The following KIF1B variants were observed in gnomAD, a reference collection of about 807,000 sequenced individuals.
KIF1B encodes kinesin-like protein KIF1B.
KIF1B carries 76 observed loss-of-function variants against 241.9 expected under a neutral mutation model. The observed-to-expected ratio is 0.31, with a 90% confidence interval of 0.26 to 0.38. The LOEUF (loss-of-function observed/expected upper bound fraction) is 0.38, where lower values mean the gene tolerates loss of function less well. Ranked by LOEUF, KIF1B falls within the 10% of genes least tolerant of loss-of-function variation. KIF1B has a pLI of 1.00. For synonymous variants in KIF1B, 750 were observed against 796.7 expected (o/e 0.94, Z 0.99); for missense variants, 1,622 against 2,271.4 (o/e 0.71, Z 5.81).
At chr1:10,242,573 A>AT (rs556778233) in intron 2 of KIF1B, among the ~76,000 whole-genome samples, 28 of 152,034 alleles carry the variant, frequency 1.8e-4, no homozygotes, top group Non-Finnish European at 3.7e-4. Context: ...CTGGAGTGCA[A>AT]TGGTGCAATC....
intron 2 of KIF1B, among the ~76,000 whole-genome samples, chr1:10,233,391 G>A (rs915703645): frequency 3.3e-5 from 5 of 152,068 alleles, no homozygotes; most frequent in African/African-American, 1.2e-4. Context: ...TAGGGCAGGA[G>A]GATTACTTGA....
chr1:10,286,126 G>A (rs1474400250), intron 15 of KIF1B, among the ~76,000 whole-genome samples: 6 of 151,620 alleles, frequency 4.0e-5, no homozygotes, highest in Non-Finnish European at 4.4e-5. Flanking sequence ...TGCAACCTCC[G>A]CCTCCCAGGT....
In KIF1B at chr1:10,258,506, G is replaced by A; in HGVS notation, c.197G>A (p.Cys66Tyr). Residue 66 changes from cysteine (C) to tyrosine (Y), a missense_variant, in exon 4 of 49, where the codon TGT becomes TAT. Physicochemically the swap from Cys to Tyr is radical, Grantham distance 194. This residue lies in a region of KIF1B where 156 missense variants were observed against 244.8 expected (regional missense o/e 0.64). Coordinates refer to ENST00000676179, the MANE Select transcript of KIF1B (RefSeq NM_001365951.3). ...YWSHTSPEDPCFASQNRVYND... is the reference protein window; with the variant it reads ...YWSHTSPEDPYFASQNRVYND... ...TACTCTTTACAGCCCGAAGATCCCTGTTTTGCATCTCAAAACCGTGTGTAC... is the reference window on the plus strand; with the variant it reads ...TACTCTTTACAGCCCGAAGATCCCTATTTTGCATCTCAAAACCGTGTGTAC... 6.2e-7 allele frequency: 1 copy of A among 1,614,044 alleles called. No homozygotes were observed. The highest frequency in any genetic ancestry group is 8.5e-7 in the Non-Finnish European group (1 of 1,179,968).
At chr1:10,333,979 CA>C (rs1652061798) in intron 27 of KIF1B, among the ~76,000 whole-genome samples, 2 of 151,454 alleles carry the variant, frequency 1.3e-5, no homozygotes, top group African/African-American at 4.9e-5. Context: ...GGTGAAACCC[CA>C]TCTCTATTAA....
At chr1:10,273,157 C>G (rs1406042233) in intron 10 of KIF1B, 126 bp downstream of exon 10, 1 of 672,918 alleles carries the variant, frequency 1.5e-6, no homozygotes, top group Non-Finnish European at 2.5e-6. Context: ...TTCTCTGGCT[C>G]TGGAATTTAG....
intron 23 of KIF1B, 61 bp from the exon 24 acceptor site, chr1:10,321,648 G>T: frequency 6.6e-7 from 1 of 1,526,458 alleles, no homozygotes; most frequent in Non-Finnish European, 9.1e-7. Flanking sequence ...AGCTAGAAGA[G>T]AGGTGTAATT....
intron 38 of KIF1B, among the ~76,000 whole-genome samples, chr1:10,356,673 G>A (rs960840652): frequency 6.6e-5 from 10 of 152,062 alleles, no homozygotes; most frequent in East Asian, 3.9e-4. Context: ...AGACCGAGGC[G>A]GGCGGATCAT....
intron 2 of KIF1B, among the ~76,000 whole-genome samples, chr1:10,244,788 A>AT (rs1437750598): frequency 6.8e-6 from 1 of 146,596 alleles, no homozygotes; most frequent in Non-Finnish European, 1.5e-5. Context: ...AATTTTTTGT[A>AT]TTTTTAGTAG....
At chr1:10,345,019 C>T (rs898310330) in intron 34 of KIF1B, 4 of 152,164 alleles carry the variant, frequency 2.6e-5, no homozygotes, top group African/African-American at 9.7e-5. Flanking sequence ...ATGGCGAAAC[C>T]CTGTCTCTAC....
intron 22 of KIF1B, among the ~76,000 whole-genome samples, chr1:10,302,957 T>C (rs1374741563): frequency 1.3e-5 from 2 of 152,006 alleles, no homozygotes; most frequent in East Asian, 1.9e-4. Context: ...TTTATATTGA[T>C]AGAAATGTAC....
intron 1 of KIF1B, among the ~76,000 whole-genome samples, chr1:10,227,032 CTTTTTTTTT>C (rs747870005): frequency 1.1e-4 from 12 of 112,942 alleles, no homozygotes; most frequent in Admixed American, 4.1e-4. Context: ...GCAAGTCTCT[CTTTTTTTTT>C]TTTTTTTTTT....
Position 10,282,463 on chromosome 1 carries a change from C to T in KIF1B, c.1364C>T (p.Thr455Met), listed in dbSNP as rs201474903. The change falls in exon 15 of 49, where the codon ACG becomes ATG. Residue 455 changes from threonine to methionine, a missense_variant. Around this residue, in one of 7 missense-constraint regions of KIF1B, gnomAD observed 201 missense variants for 301.2 expected, o/e 0.67. Transcript: ENST00000676179. The part of the protein sequence containing the change: ...SCSLSSQVGL[T>M]SVTSIQERIM... ...TCACTCAGTAGTCAGGTGGGCTTGACGTCTGTGACCAGTATTCAAGAGAGG... is the reference window on the plus strand; with the variant it reads ...TCACTCAGTAGTCAGGTGGGCTTGATGTCTGTGACCAGTATTCAAGAGAGG... The T allele has an allele frequency of 1.2e-4, 189 of 1,614,128 alleles. No homozygotes were observed. The highest frequency in any genetic ancestry group is 1.8e-4 in the East Asian group (8 of 44,874).
Position 10,324,074 on chromosome 1 carries a change from T to G in KIF1B, c.2537+12T>G. 6.2e-7 allele frequency: 1 copy of G among 1,613,550 alleles called. No individual in the cohort carries two copies. The highest frequency in any genetic ancestry group is 8.5e-7 in the Non-Finnish European group (1 of 1,179,562). ...TTGGAGAAACTCAAGTATGAAAACA[T>G]TCATAAAGGCTGGTTGTTTTATTTA... On this transcript the variant is annotated intron_variant, in intron 25 of 48. Transcript: ENST00000676179.
At chr1:10,363,367 G>A (rs1345099663) in intron 41 of KIF1B, 23 bp downstream of exon 41, 1 of 1,582,024 alleles carries the variant, frequency 6.3e-7, no homozygotes, top group Non-Finnish European at 8.7e-7. Flanking sequence ...GGATTGAGGA[G>A]GTGATAGTTA....
chr1:10,337,333 T>C lies in KIF1B; in HGVS notation c.3260-38T>C, dbSNP rs776838730. On this transcript the variant is annotated intron_variant, in intron 30 of 48. Transcript: ENST00000676179. This position sits in a 1 kb window ranked among gnomAD's most constrained non-coding sequence, Gnocchi z 4.0. ...ATGCCCAACTCCCTCCTCTTTGCAT[T>C]ATTTGAACCATCTGTGTCTTCATTT... 7 of 1,614,060 alleles carry C rather than the reference T, an allele frequency of 4.3e-6. No homozygotes were observed. In the South Asian group the frequency reaches 7.7e-5, roughly 18 times the overall value.
At position 10,347,788 on chromosome 1, in the gene KIF1B, A is replaced by T. The variant is rs754717048; in HGVS notation, c.3825A>T (p.Thr1275=). ...ATATCCCAGCTGTGGTTGACCACAC[A>T]GCAGGCTTGCCTTGCCAGGGGACAT... ...GEYIPAVVDH[T]AGLPCQGTFL... Residue 1275 remains threonine (T), a synonymous_variant, in exon 36 of 49, where the codon ACA becomes ACT. Transcript: ENST00000676179. The T allele has an allele frequency of 6.8e-6, 11 of 1,613,316 alleles. No individual in the cohort carries two copies. The highest frequency in any genetic ancestry group is 9.3e-6 in the Non-Finnish European group (11 of 1,179,424).
rs188074339 is a variant in KIF1B, at chr1:10,367,758, C to G, written c.4753-709C>G. Among the ~76,000 whole-genome samples the G allele has an allele frequency of 1.1e-4, 17 of 151,578 alleles. No homozygotes were observed. The East Asian group carries it at 1.6e-3, about 14-fold the overall frequency. On this transcript the variant is annotated intron_variant, in intron 43 of 48. Transcript: ENST00000676179. ...TTGTTTTTTGGAGAGGGGATGGAGT[C>G]TTACTCTGCTGCCAGGCTAGAGTGC...
In KIF1B at chr1:10,234,991, G is replaced by C. The variant is rs548933555; in HGVS notation, c.106+2557G>C. 1.7e-4 allele frequency among the ~76,000 whole-genome samples: 26 copies of C among 151,760 alleles called. No homozygotes were observed. In the South Asian group the frequency reaches 4.4e-3, roughly 26 times the overall value. On this transcript the variant is annotated intron_variant, in intron 2 of 48. Coordinates refer to ENST00000676179, the MANE Select transcript of KIF1B (RefSeq NM_001365951.3). ...TGAAACCTCTGCCTCTCGGGTTCAA[G>C]CGATTCTTCTGCCTCAGCCTCCTGA...
At chr1:10,270,212 C>T (rs1435748783) in intron 7 of KIF1B, among the ~76,000 whole-genome samples, 2 of 152,226 alleles carry the variant, frequency 1.3e-5, no homozygotes, top group Non-Finnish European at 2.9e-5. Context: ...AAAGTTGCCT[C>T]ATATCTCTTT....
Sources: allele counts gnomAD v4.1 joint callset (sites outside exome capture counted in the v4.1 genomes callset), GRCh38; gene constraint gnomAD v4.1.1; regional missense constraint gnomAD v4.1.1; non-coding constraint Gnocchi (gnomAD v3.1); transcripts MANE v1.5; gene names NCBI Gene and HGNC (gene_info 2026-07-23, HGNC 2026-07-21).